Variants in CDKAL1 observed in about 807,000 individuals in gnomAD.
CDKAL1 encodes threonylcarbamoyladenosine tRNA methylthiotransferase.
A neutral mutation model predicts 68.2 loss-of-function variants in CDKAL1; 32 were observed. The observed-to-expected ratio is 0.47, with a 90% CI of 0.35 to 0.63. The LOEUF is 0.63. Among genes scored for constraint, CDKAL1 ranks in the 30% least tolerant of loss-of-function variants. CDKAL1 has a pLI of 0.00. For missense variants in CDKAL1, 606 were observed against 696.7 expected, an observed-to-expected ratio of 0.87 and a Z score of 1.47; for synonymous variants, 234 against 244.3, an observed-to-expected ratio of 0.96 and a Z score of 0.39.
At chr6:20,816,698 A>G (rs1337083014) in intron 8 of CDKAL1, among the ~76,000 whole-genome samples, 1 of 115,414 alleles carries the variant, frequency 8.7e-6, no homozygotes, top group Non-Finnish European at 1.8e-5. Flanking sequence ...GAAAACTAAG[A>G]AAAAAAAAAT....
At chr6:21,205,774 G>T (rs1199160297) in intron 15 of CDKAL1, among the ~76,000 whole-genome samples, 7 of 147,962 alleles carry the variant, frequency 4.7e-5, no homozygotes, top group Non-Finnish European at 1.0e-4. Context: ...CTCGTGATCT[G>T]CCCGCCTTGG....
intron 4 of CDKAL1, among the ~76,000 whole-genome samples, chr6:20,564,201 A>T (rs1182048912): frequency 6.6e-6 from 1 of 152,216 alleles, no homozygotes; most frequent in Non-Finnish European, 1.5e-5. Context: ...GAGGCCAGGA[A>T]TTTGAGTCTG....
intron 6 of CDKAL1, among the ~76,000 whole-genome samples, chr6:20,740,474 G>A (rs1773405996): frequency 6.6e-6 from 1 of 152,030 alleles, no homozygotes; most frequent in Admixed American, 6.6e-5. Context: ...ATCAAATGAT[G>A]GTGCTTCTTC....
intron 10 of CDKAL1, among the ~76,000 whole-genome samples, chr6:20,975,115 A>G (rs1765782519): frequency 6.6e-6 from 1 of 151,916 alleles, no homozygotes; most frequent in South Asian, 2.1e-4. Flanking sequence ...CAGAAGTTCC[A>G]TTTGTTTGTA....
intron 9 of CDKAL1, among the ~76,000 whole-genome samples, chr6:20,907,049 A>G (rs1004258318): frequency 3.3e-5 from 5 of 152,206 alleles, no homozygotes; most frequent in African/African-American, 1.2e-4. Context: ...AGAAAGGAAA[A>G]TAGTGATTCT....
At chr6:21,106,069 C>T in intron 12 of CDKAL1, among the ~76,000 whole-genome samples, 1 of 152,146 alleles carries the variant, frequency 6.6e-6, no homozygotes, top group East Asian at 1.9e-4. Context: ...TTGACTTTAC[C>T]TGTTAAGGTA....
chr6:21,197,772 G>A (rs773024029), intron 13 of CDKAL1, among the ~76,000 whole-genome samples: 27 of 152,148 alleles, frequency 1.8e-4, no homozygotes, highest in Admixed American at 6.5e-5. Flanking sequence ...CTGTTTCAGA[G>A]TTATGTAAGA....
At chr6:20,997,489 A>C (rs1331697621) in intron 10 of CDKAL1, among the ~76,000 whole-genome samples, 1 of 149,118 alleles carries the variant, frequency 6.7e-6, no homozygotes. Flanking sequence ...TGTAGTATGA[A>C]GCTAAAGATA....
intron 9 of CDKAL1, among the ~76,000 whole-genome samples, chr6:20,898,378 C>T (rs866539690): frequency 6.7e-6 from 1 of 149,394 alleles, no homozygotes; most frequent in Non-Finnish European, 1.5e-5. Context: ...ATTGTGTAGC[C>T]GTCTCCGGTT....
chr6:20,931,595 A>T (rs764950512), intron 9 of CDKAL1, among the ~76,000 whole-genome samples: 2 of 152,226 alleles, frequency 1.3e-5, no homozygotes, highest in East Asian at 3.8e-4. Context: ...TCTTTAGAAC[A>T]CATTCTAAAG....
intron 8 of CDKAL1, among the ~76,000 whole-genome samples, chr6:20,793,044 CCAG>C (rs150882479): frequency 0.021 from 3,151 of 152,170 alleles, 108 homozygotes; most frequent in African/African-American, 0.071. Flanking sequence ...GTCATGTGAA[CCAG>C]CAGCACGTTC....
chr6:21,220,502 G>T (rs1779500073), intron 15 of CDKAL1, among the ~76,000 whole-genome samples: 1 of 152,222 alleles, frequency 6.6e-6, no homozygotes. Flanking sequence ...TTACTTTGTG[G>T]AATTGGAGAA....
chr6:20,712,297 G>A (rs961128201), intron 5 of CDKAL1, among the ~76,000 whole-genome samples: 1 of 152,090 alleles, frequency 6.6e-6, no homozygotes, highest in African/African-American at 2.4e-5. Flanking sequence ...GCAATGGTCA[G>A]GAAAGACTTT....
chr6:20,955,115 A>T (rs1037254210), intron 9 of CDKAL1, among the ~76,000 whole-genome samples: 1 of 152,136 alleles, frequency 6.6e-6, no homozygotes, highest in Non-Finnish European at 1.5e-5. Flanking sequence ...CTGAGGTGGG[A>T]CTGAGGCTTT....
At chr6:20,719,776 T>C (rs147974858) in intron 5 of CDKAL1, among the ~76,000 whole-genome samples, 2,035 of 152,324 alleles carry the variant, frequency 0.013, 44 homozygotes, top group African/African-American at 0.045. Context: ...AACCCTTTTA[T>C]GTTCCCCATG....
chr6:20,796,166 T>G (rs1410725373), intron 8 of CDKAL1, among the ~76,000 whole-genome samples: 1 of 152,120 alleles, frequency 6.6e-6, no homozygotes, highest in Non-Finnish European at 1.5e-5. Flanking sequence ...ATAGCAAGGA[T>G]ACAACATAAA....
chr6:21,142,313 T>TGA (rs1221888873), intron 13 of CDKAL1, among the ~76,000 whole-genome samples: 1 of 104,058 alleles, frequency 9.6e-6, no homozygotes, highest in East Asian at 2.0e-4. Context: ...AGCTGCCATA[T>TGA]GAAAAAAAAA....
chr6:20,591,938 T>G (rs1186087413), intron 4 of CDKAL1, among the ~76,000 whole-genome samples: 1 of 152,248 alleles, frequency 6.6e-6, no homozygotes, highest in Non-Finnish European at 1.5e-5. Flanking sequence ...GGAGATAGCA[T>G]TGAATCTATA....
chr6:21,084,883 C>T (rs899029890), intron 12 of CDKAL1, among the ~76,000 whole-genome samples: 13 of 152,250 alleles, frequency 8.5e-5, no homozygotes, highest in African/African-American at 2.2e-4. Context: ...CAGAGAGCCC[C>T]GGGAGCCCCA....
Sources: allele counts gnomAD v4.1 joint callset (sites outside exome capture counted in the v4.1 genomes callset), GRCh38; gene constraint gnomAD v4.1.1; transcripts MANE v1.5; gene names NCBI Gene and HGNC (gene_info 2026-07-23, HGNC 2026-07-21).